TMPRSS7: variants seen among roughly 807,000 people sequenced by gnomAD.
The protein encoded by TMPRSS7 is transmembrane protease serine 7.
Under a neutral mutation model 95.6 loss-of-function variants are expected in TMPRSS7, and 81 were observed. That is an observed-to-expected ratio of 0.85 (90% CI 0.71 to 1.02). The LOEUF is 1.02. TMPRSS7 is among the 50% of genes least tolerant of loss of function. The pLI, the probability that TMPRSS7 is intolerant of heterozygous loss-of-function variation, is 0.00. For synonymous variants in TMPRSS7, 364 were observed against 337.8 expected, an observed-to-expected ratio of 1.08 and a Z score of -0.85; for missense variants, 945 against 955.2, an observed-to-expected ratio of 0.99 and a Z score of 0.14.
chr3:112,049,932 C>T lies in TMPRSS7; in HGVS notation c.1048C>T (p.Leu350Phe), dbSNP rs911860330. The T allele has an allele frequency of 4.5e-6, 7 of 1,570,206 alleles. No homozygotes were observed. In the East Asian group the frequency reaches 1.6e-4, roughly 36 times the overall value. Residue 350 changes from leucine (L) to phenylalanine (F), a missense_variant, in exon 8 of 18, where the codon CTC (leucine) becomes TTC (phenylalanine). Coordinates refer to ENST00000452346, the Ensembl canonical transcript of TMPRSS7. ...ATTTAAGTCTCCTCATATACGGAGG[C>T]TCTCAGGAATCCGGGCATATTTTGA... is the stretch of plus-strand genomic sequence containing the variant.
exon 7 of TMPRSS7, chr3:112,047,930 G>T (rs367735856): frequency 1.2e-6 from 2 of 1,613,980 alleles, no homozygotes; most frequent in Non-Finnish European, 1.7e-6. Flanking sequence ...GACCATTTAC[G>T]ACTCCCTTTT....
At chr3:112,066,536 C>T in intron 13 of TMPRSS7, 34 bp downstream of exon 13, 2 of 1,584,506 alleles carry the variant, frequency 1.3e-6, no homozygotes, top group Non-Finnish European at 1.7e-6. Context: ...TGCTGTTCCT[C>T]CTATGAAACT....
At chr3:112,041,123 A>G (rs2073202325) in intron 2 of TMPRSS7, among the ~76,000 whole-genome samples, 1 of 152,182 alleles carries the variant, frequency 6.6e-6, no homozygotes, top group South Asian at 2.1e-4. Flanking sequence ...ATAAAAATAA[A>G]AAAACCAAAA....
intron 16 of TMPRSS7, among the ~76,000 whole-genome samples, chr3:112,078,086 C>T (rs562799579): frequency 6.6e-6 from 1 of 152,290 alleles, no homozygotes; most frequent in South Asian, 2.1e-4. Flanking sequence ...ATACCACCAG[C>T]TTGGGTCCAC....
At chr3:112,045,275 G>C (rs973699547) in intron 4 of TMPRSS7, among the ~76,000 whole-genome samples, 1 of 152,118 alleles carries the variant, frequency 6.6e-6, no homozygotes, top group African/African-American at 2.4e-5. Context: ...AGCCTCCCAA[G>C]TAGCTGTGAT....
chr3:112,035,175 T>C (rs1044500855), intron 1 of TMPRSS7, among the ~76,000 whole-genome samples: 3 of 152,222 alleles, frequency 2.0e-5, no homozygotes, highest in Non-Finnish European at 4.4e-5. Context: ...CTGCCTATAA[T>C]GTGTTTCTGC....
intron 2 of TMPRSS7, among the ~76,000 whole-genome samples, chr3:112,041,261 C>G (rs1163840244): frequency 6.6e-6 from 1 of 151,782 alleles, no homozygotes; most frequent in East Asian, 1.9e-4. Context: ...CGTGCTTCCT[C>G]CTCCCCTCCC....
In TMPRSS7 at chr3:112,065,933, T is replaced by C. The variant is rs2073570300; in HGVS notation, c.1556-459T>C. Among the ~76,000 whole-genome samples, 3 of 152,322 alleles carry C rather than the reference T, an allele frequency of 2.0e-5. 1 individual carries two copies. Among genetic ancestry groups the C allele is most frequent in the Non-Finnish European group, 4.4e-5 (3 of 68,032 alleles). ...ACCCAAAGTCTGTTATCCTTTAAGATCTCACATTCATGAATTCATTCAACA... is the reference window on the plus strand; with the variant it reads ...ACCCAAAGTCTGTTATCCTTTAAGACCTCACATTCATGAATTCATTCAACA... On this transcript the variant is annotated intron_variant, in intron 12 of 17. Coordinates refer to ENST00000452346, the Ensembl canonical transcript of TMPRSS7.
intron 10 of TMPRSS7, among the ~76,000 whole-genome samples, chr3:112,061,107 G>A (rs2073499088): frequency 6.6e-6 from 1 of 152,048 alleles, no homozygotes; most frequent in South Asian, 2.1e-4. Flanking sequence ...ACAGGGCGGT[G>A]GACTAACTTA....
chr3:112,050,737 AC>A lies in TMPRSS7; in HGVS notation c.1160del (p.Pro387ArgfsTer23). 1 of 1,604,680 alleles carries A rather than the reference AC, an allele frequency of 6.2e-7. No homozygotes were observed. Among genetic ancestry groups the A allele is most frequent in the Non-Finnish European group, 8.5e-7 (1 of 1,176,354 alleles). Reference sequence around the variant, plus strand: ...GAAGGGAAAATTTCAAGCCCATATTACCCGAGCTACTATCCTCCAAAATGCA... The same window carrying A: ...GAAGGGAAAATTTCAAGCCCATATTACCGAGCTACTATCCTCCAAAATGCA... On this transcript the variant is annotated frameshift_variant, in exon 9 of 18. Transcript: ENST00000452346. LOFTEE classifies it high-confidence loss of function.
At chr3:112,074,547 C>A (rs1397032199) in intron 14 of TMPRSS7, 135 bp downstream of exon 14, 1 of 545,798 alleles carries the variant, frequency 1.8e-6, no homozygotes, top group Non-Finnish European at 3.2e-6. Flanking sequence ...TAACTATTGA[C>A]AAACTGAGTC....
At chr3:112,051,668 C>CTATCTATCATCTATCTATCTATCT (rs61097993) in intron 9 of TMPRSS7, among the ~76,000 whole-genome samples, 6 of 127,996 alleles carry the variant, frequency 4.7e-5, no homozygotes, top group Non-Finnish European at 9.8e-5. Flanking sequence ...ATCTATCTAT[C>CTATCTATCATCTATCTATCTATCT]ATCTATCTAT....
At chr3:112,069,791 A>ATT (rs201610367) in intron 13 of TMPRSS7, among the ~76,000 whole-genome samples, 28 of 151,194 alleles carry the variant, frequency 1.9e-4, no homozygotes, top group African/African-American at 6.6e-4. Flanking sequence ...AGATTCATTG[A>ATT]TTTTTTTTTG....
intron 7 of TMPRSS7, among the ~76,000 whole-genome samples, chr3:112,049,551 T>C (rs2073319265): frequency 6.6e-6 from 1 of 152,202 alleles, no homozygotes; most frequent in Non-Finnish European, 1.5e-5. Flanking sequence ...TCCAGGACCT[T>C]AGCCATTAGA....
chr3:112,075,331 G>A, exon 15 of TMPRSS7: 1 of 1,412,678 alleles, frequency 7.1e-7, no homozygotes, highest in South Asian at 1.7e-5. Flanking sequence ...CCTGCAGCAG[G>A]AGTTCCTCCG....
intron 4 of TMPRSS7, among the ~76,000 whole-genome samples, chr3:112,044,770 A>G (rs2073256342): frequency 6.6e-6 from 1 of 151,926 alleles, no homozygotes; most frequent in South Asian, 2.1e-4. Flanking sequence ...CTCCCAATAT[A>G]TCTGCAGAGA....
At chr3:112,056,178 C>A (rs1208627773) in intron 9 of TMPRSS7, among the ~76,000 whole-genome samples, 2 of 152,212 alleles carry the variant, frequency 1.3e-5, no homozygotes, top group African/African-American at 2.4e-5. Context: ...ATATCATACA[C>A]GAGTTTCATA....
chr3:112,051,656 CTATCTATCTATCATCT>C (rs779173672), intron 9 of TMPRSS7, among the ~76,000 whole-genome samples: 38 of 89,958 alleles, frequency 4.2e-4, no homozygotes, highest in South Asian at 2.4e-3. Context: ...ATCTATCTAT[CTATCTATCTATCATCT>C]ATCTATCTAT....
At chr3:112,039,802 C>G (rs2073186075) in intron 2 of TMPRSS7, 1 of 152,156 alleles carries the variant, frequency 6.6e-6, no homozygotes, top group African/African-American at 2.4e-5. Context: ...AATTATGAAA[C>G]CTGAGGGCTT....
Sources: gnomAD v4.1 joint callset for allele counts (sites outside exome capture counted in the v4.1 genomes callset) on GRCh38, gnomAD v4.1.1 for gene constraint, MANE v1.5 for transcripts, NCBI Gene and HGNC (gene_info 2026-07-23, HGNC 2026-07-21) for gene names.